The following KLRG1 variants were observed in gnomAD, a reference collection of about 807,000 sequenced individuals.
The protein encoded by KLRG1 is killer cell lectin like receptor G1, also known as killer cell lectin-like receptor subfamily G member 1.
In KLRG1, 16 loss-of-function variants were observed where a neutral mutation model predicts 21.8. The ratio of observed to expected loss-of-function variants is 0.73; its 90% CI spans 0.50 to 1.11. KLRG1 has a LOEUF of 1.11. Among genes scored for constraint, KLRG1 ranks in the 50% most tolerant of loss-of-function variants. The pLI, the probability that KLRG1 is intolerant of heterozygous loss-of-function variation, is 0.00. For missense variants in KLRG1, 173 were observed against 218.3 expected (o/e 0.79, Z 1.31); for synonymous variants, 69 against 75.9 (o/e 0.91, Z 0.47).
At chr12:9,029,110 T>C in the KLRG1 span, 136,527 of 395,762 alleles carry the variant, frequency 0.34, 24,138 homozygotes, top group Admixed American at 0.42. Context: ...AGAAGAGAGA[T>C]TTTAATGATG....
chr12:9,017,878 CA>C, the KLRG1 span, among the ~76,000 whole-genome samples: 2 of 152,024 alleles, frequency 1.3e-5, no homozygotes, highest in Non-Finnish European at 2.9e-5. Flanking sequence ...AAAGAGTTCA[CA>C]AAAAACTATT....
the KLRG1 span, chr12:9,154,632 C>A: frequency 6.2e-7 from 1 of 1,614,164 alleles, no homozygotes; most frequent in East Asian, 2.2e-5. Context: ...GGAGGAGAAA[C>A]CACCTTGGGC....
the KLRG1 span, among the ~76,000 whole-genome samples, chr12:9,139,690 G>C: frequency 6.6e-6 from 1 of 151,874 alleles, no homozygotes; most frequent in Non-Finnish European, 1.5e-5. Context: ...TTTCCCTTTT[G>C]GTCTCTTGTA....
chr12:9,194,590 G>C, the KLRG1 span, among the ~76,000 whole-genome samples: 1 of 150,338 alleles, frequency 6.7e-6, no homozygotes, highest in African/African-American at 2.4e-5. Flanking sequence ...TCAGCCTCCC[G>C]AGTAGCTGGG....
the KLRG1 span, among the ~76,000 whole-genome samples, chr12:9,123,843 G>C: frequency 6.0e-5 from 7 of 117,498 alleles, no homozygotes; most frequent in Non-Finnish European, 8.7e-5. Flanking sequence ...TAATTCAATG[G>C]CTTTTTTTTT....
At chr12:9,167,332 C>G in the KLRG1 span, 1 of 152,256 alleles carries the variant, frequency 6.6e-6, no homozygotes, top group African/African-American at 2.4e-5. Flanking sequence ...CCTACTCTTA[C>G]TGTCAACTTG....
chr12:9,209,920 C>T, the KLRG1 span, among the ~76,000 whole-genome samples: 59 of 152,158 alleles, frequency 3.9e-4, no homozygotes, highest in African/African-American at 1.3e-3. Flanking sequence ...ACCATCTATA[C>T]GACATTCTAT....
At chr12:8,986,435 CTATT>C (rs1946843011), upstream of KLRG1, among the ~76,000 whole-genome samples, 1 of 152,102 alleles carries the variant, frequency 6.6e-6, no homozygotes, top group South Asian at 2.1e-4. Flanking sequence ...CACTTCTCAC[CTATT>C]TATTTATTTA....
the KLRG1 span, among the ~76,000 whole-genome samples, chr12:9,142,848 C>A: frequency 6.6e-6 from 1 of 152,126 alleles, no homozygotes; most frequent in African/African-American, 2.4e-5. Context: ...ACAACGAAAA[C>A]AAAGGTTTTT....
At chr12:9,060,851 A>G in the KLRG1 span, among the ~76,000 whole-genome samples, 6 of 152,310 alleles carry the variant, frequency 3.9e-5, no homozygotes, top group Admixed American at 6.5e-5. Context: ...CGTGAAGACT[A>G]TCTTCACAAT....
the KLRG1 span, chr12:9,202,668 G>C: frequency 6.2e-7 from 1 of 1,613,782 alleles, no homozygotes; most frequent in East Asian, 2.2e-5. Context: ...CTCTGAAGAG[G>C]CTGAGATCCT....
At chr12:9,136,109 A>T in the KLRG1 span, among the ~76,000 whole-genome samples, 1 of 152,226 alleles carries the variant, frequency 6.6e-6, no homozygotes, top group African/African-American at 2.4e-5. Context: ...GAAAATGGTC[A>T]GACTTTGTAT....
chr12:9,084,177 C>T, the KLRG1 span, among the ~76,000 whole-genome samples: 7 of 152,114 alleles, frequency 4.6e-5, no homozygotes, highest in Admixed American at 2.0e-4. Context: ...GGCCTGCCTT[C>T]AGGAATTACT....
the KLRG1 span, among the ~76,000 whole-genome samples, chr12:9,188,839 C>A: frequency 6.6e-6 from 1 of 152,082 alleles, no homozygotes; most frequent in African/African-American, 2.4e-5. Flanking sequence ...AAGATCTATA[C>A]AATGAGAATT....
the KLRG1 span, among the ~76,000 whole-genome samples, chr12:9,040,557 C>A: frequency 6.6e-6 from 1 of 152,200 alleles, no homozygotes. Flanking sequence ...CTCCCATCTT[C>A]ATCTCAGATA....
the KLRG1 span, chr12:9,196,890 T>C: frequency 1.2e-6 from 1 of 844,356 alleles, no homozygotes; most frequent in Admixed American, 2.5e-5. Flanking sequence ...GAACAGAAAT[T>C]CGTTTTTTGG....
chr12:9,092,554 T>C, the KLRG1 span, among the ~76,000 whole-genome samples: 1 of 151,784 alleles, frequency 6.6e-6, no homozygotes, highest in Non-Finnish European at 1.5e-5. Context: ...TGAAAGGGAG[T>C]ATATGGCCAT....
At chr12:9,032,420 T>C in the KLRG1 span, among the ~76,000 whole-genome samples, 1 of 152,200 alleles carries the variant, frequency 6.6e-6, no homozygotes, top group Non-Finnish European at 1.5e-5. Context: ...GTTGACTCCA[T>C]TTTGCTTCTA....
the KLRG1 span, among the ~76,000 whole-genome samples, chr12:9,134,566 T>G: frequency 0.25 from 38,678 of 151,988 alleles, 5,628 homozygotes; most frequent in Admixed American, 0.33. Context: ...GATTACAAAC[T>G]CCCCGTTCCC....
Sources: gnomAD v4.1 joint callset for allele counts (sites outside exome capture counted in the v4.1 genomes callset) on GRCh38, gnomAD v4.1.1 for gene constraint, MANE v1.5 for transcripts, NCBI Gene and HGNC (gene_info 2026-07-23, HGNC 2026-07-21) for gene names.